Variants in RANBP2 observed in about 807,000 individuals in gnomAD.
RANBP2 encodes the protein E3 SUMO-protein ligase RanBP2.
A neutral mutation model predicts 303.6 loss-of-function variants in RANBP2; 57 were observed. The ratio of observed to expected loss-of-function variants is 0.19; its 90% CI spans 0.15 to 0.23. The LOEUF (loss-of-function observed/expected upper bound fraction) is 0.23. Ranked by LOEUF, RANBP2 falls within the 10% of genes least tolerant of loss-of-function variation. The pLI, the probability that RANBP2 is intolerant of heterozygous loss-of-function variation, is 1.00. For missense variants in RANBP2, 3,138 were observed against 3,780.8 expected, an observed-to-expected ratio of 0.83 and a Z score of 4.46; for synonymous variants, 1,167 against 1,301.5, an observed-to-expected ratio of 0.90 and a Z score of 2.23.
At position 108,785,249 on chromosome 2, in the gene RANBP2, C is replaced by T. The variant is rs1678538599; in HGVS notation, c.*1348C>T. 1 of 152,060 alleles carries T rather than the reference C, an allele frequency of 6.6e-6. No homozygotes were observed. Among genetic ancestry groups the T allele is most frequent in the East Asian group, 1.9e-4 (1 of 5,188 alleles). 9.4% of individuals were successfully genotyped at this position (152,060 alleles called of 1,614,324 possible). On this transcript the variant is annotated 3_prime_UTR_variant, in exon 29 of 29. Transcript: ENST00000283195. ...GTGCGAGTAATGAGTGATGGTATAC[C>T]ATCACCATTCCACTCGGCCACAAAG... is the stretch of plus-strand genomic sequence containing the variant.
At chr2:109,422,204 C>T in the RANBP2 span, among the ~76,000 whole-genome samples, 3 of 152,194 alleles carry the variant, frequency 2.0e-5, no homozygotes, top group Non-Finnish European at 4.4e-5. Flanking sequence ...CAGCAAACAA[C>T]AGTGCACTGC....
chr2:109,001,940 C>G, the RANBP2 span, among the ~76,000 whole-genome samples: 11 of 152,038 alleles, frequency 7.2e-5, no homozygotes, highest in Admixed American at 5.2e-4. Context: ...CTGTGTTAGC[C>G]AGGATGGTCT....
chr2:109,664,020 A>G, the RANBP2 span, among the ~76,000 whole-genome samples: 4 of 152,250 alleles, frequency 2.6e-5, no homozygotes, highest in East Asian at 7.8e-4. Flanking sequence ...ACAGCCCTTC[A>G]TTCTCTTCTT....
Position 108,729,114 on chromosome 2 carries a change from A to T in RANBP2, c.73-18A>T. On this transcript the variant is annotated intron_variant, in intron 1 of 28. Coordinates refer to ENST00000283195, the MANE Select transcript of RANBP2 (RefSeq NM_006267.5). ...ATATTTCTGTATGAAAAGTAAAACAACTTTTAATTTTTTTTAGAAGTCAAT... is the reference window on the plus strand; with the variant it reads ...ATATTTCTGTATGAAAAGTAAAACATCTTTTAATTTTTTTTAGAAGTCAAT... 6.4e-7 allele frequency: 1 copy of T among 1,567,642 alleles called. No homozygotes were observed. Among genetic ancestry groups the T allele is most frequent in the Non-Finnish European group, 8.6e-7 (1 of 1,158,256 alleles).
the RANBP2 span, among the ~76,000 whole-genome samples, chr2:108,889,537 A>C: frequency 6.6e-6 from 1 of 151,568 alleles, no homozygotes; most frequent in East Asian, 1.9e-4. Flanking sequence ...TCATTATATA[A>C]TAACCTTTTT....
the RANBP2 span, chr2:109,613,164 A>G: frequency 7.8e-7 from 1 of 1,289,120 alleles, no homozygotes; most frequent in Non-Finnish European, 1.0e-6. Context: ...ATTAACGAAA[A>G]TAGTTGTAAC....
At chr2:109,514,522 G>C in the RANBP2 span, among the ~76,000 whole-genome samples, 4 of 152,210 alleles carry the variant, frequency 2.6e-5, no homozygotes, top group African/African-American at 9.6e-5. Context: ...GAACCAGCCT[G>C]TGTGCAGGCC....
chr2:109,176,501 G>T, the RANBP2 span, among the ~76,000 whole-genome samples: 4 of 152,198 alleles, frequency 2.6e-5, no homozygotes, highest in African/African-American at 9.7e-5. Flanking sequence ...TGGGGCCAAG[G>T]TGGGAGGATC....
At chr2:109,260,145 G>A in the RANBP2 span, among the ~76,000 whole-genome samples, 5 of 152,278 alleles carry the variant, frequency 3.3e-5, no homozygotes, top group Middle Eastern at 6.8e-3. Flanking sequence ...TGTATTTAGG[G>A]AATAAATGCA....
At chr2:109,023,592 T>C in the RANBP2 span, among the ~76,000 whole-genome samples, 271 of 152,160 alleles carry the variant, frequency 1.8e-3, 7 homozygotes, top group Non-Finnish European at 3.5e-4. Flanking sequence ...CTCTTGAGGC[T>C]AGGAATTTGA....
At chr2:109,610,214 A>C in the RANBP2 span, among the ~76,000 whole-genome samples, 1 of 151,764 alleles carries the variant, frequency 6.6e-6, no homozygotes, top group Non-Finnish European at 1.5e-5. Flanking sequence ...TCAGCCTCCC[A>C]AGTAGTTGGG....
chr2:109,344,614 A>G, the RANBP2 span, among the ~76,000 whole-genome samples: 1 of 152,180 alleles, frequency 6.6e-6, no homozygotes, highest in Non-Finnish European at 1.5e-5. Flanking sequence ...ATGGGCCAGG[A>G]GACCACTGGA....
chr2:109,310,574 A>G, the RANBP2 span, among the ~76,000 whole-genome samples: 1 of 85,094 alleles, frequency 1.2e-5, no homozygotes. Flanking sequence ...GAAAGGATCA[A>G]CAAGATTGAT....
At chr2:109,699,196 C>A in the RANBP2 span, among the ~76,000 whole-genome samples, 2 of 152,216 alleles carry the variant, frequency 1.3e-5, no homozygotes, top group Non-Finnish European at 2.9e-5. Flanking sequence ...TCCATGCATG[C>A]ACTAGTCAGT....
At chr2:109,661,743 T>C in the RANBP2 span, among the ~76,000 whole-genome samples, 1 of 152,210 alleles carries the variant, frequency 6.6e-6, no homozygotes, top group East Asian at 1.9e-4. Flanking sequence ...CTTTCAGCTG[T>C]CTTCAGGATA....
the RANBP2 span, chr2:108,794,561 C>G: frequency 6.2e-7 from 1 of 1,611,220 alleles, no homozygotes; most frequent in South Asian, 1.1e-5. Context: ...ACTAATACGA[C>G]CTCATCGAGA....
chr2:108,930,290 CAT>C, the RANBP2 span: 1 of 1,613,254 alleles, frequency 6.2e-7, no homozygotes, highest in Non-Finnish European at 8.5e-7. Flanking sequence ...CTTAGAAACA[CAT>C]GTGACTCCTG....
At chr2:109,589,000 G>A in the RANBP2 span, among the ~76,000 whole-genome samples, 1 of 151,806 alleles carries the variant, frequency 6.6e-6, no homozygotes, top group African/African-American at 2.4e-5. Context: ...TAGTTATCAA[G>A]AAAATGTAAA....
At chr2:109,498,150 C>T in the RANBP2 span, among the ~76,000 whole-genome samples, 1 of 152,210 alleles carries the variant, frequency 6.6e-6, no homozygotes, top group African/African-American at 2.4e-5. Flanking sequence ...CGCCTGCCCT[C>T]CTTCCTTCCC....
Sources: gnomAD v4.1 joint callset for allele counts (sites outside exome capture counted in the v4.1 genomes callset) on GRCh38, gnomAD v4.1.1 for gene constraint, MANE v1.5 for transcripts, NCBI Gene and HGNC (gene_info 2026-07-23, HGNC 2026-07-21) for gene names.